Variants in STAP1 observed in about 807,000 individuals in gnomAD.
The protein encoded by STAP1 is signal transducing adaptor family member 1, also known as signal-transducing adaptor protein 1.
A neutral mutation model predicts 37.8 loss-of-function variants in STAP1; 30 were observed. The observed-to-expected ratio is 0.79, with a 90% CI of 0.59 to 1.08. The LOEUF (loss-of-function observed/expected upper bound fraction) is 1.08, where lower values mean the gene tolerates loss of function less well. Among genes scored for constraint, STAP1 ranks in the 50% least tolerant of loss-of-function variants. The pLI, the probability that STAP1 is intolerant of heterozygous loss-of-function variation, is 0.00. For synonymous variants in STAP1, 130 were observed against 116.0 expected, an observed-to-expected ratio of 1.12 and a Z score of -0.78; for missense variants, 357 against 349.4, an observed-to-expected ratio of 1.02 and a Z score of -0.17.
At chr4:67,571,761 G>A (rs1357083109) in intron 2 of STAP1, among the ~76,000 whole-genome samples, 7 of 152,122 alleles carry the variant, frequency 4.6e-5, no homozygotes. Flanking sequence ...AACACTATAA[G>A]AGACTTTATG....
At chr4:67,568,925 G>A (rs1376685380) in intron 1 of STAP1, among the ~76,000 whole-genome samples, 2 of 152,162 alleles carry the variant, frequency 1.3e-5, no homozygotes, top group Admixed American at 6.5e-5. Flanking sequence ...AATCAATGAG[G>A]AAAGTTTTAG....
intron 7 of STAP1, among the ~76,000 whole-genome samples, chr4:67,592,205 G>A (rs1479674298): frequency 1.3e-5 from 2 of 151,834 alleles, no homozygotes; most frequent in African/African-American, 2.4e-5. Flanking sequence ...CAATCATAGT[G>A]CCAGCCTGAA....
At chr4:67,594,146 A>G (rs928190458) in intron 8 of STAP1, among the ~76,000 whole-genome samples, 2 of 152,194 alleles carry the variant, frequency 1.3e-5, no homozygotes, top group African/African-American at 4.8e-5. Context: ...GAGAGAGAAA[A>G]TATCTCCAGC....
In STAP1 at chr4:67,586,364, G is replaced by A. The variant is rs138067646; in HGVS notation, c.659+2662G>A. ...CCCAGCTACTCAGGAGGCTGAGGTA[G>A]GAGAATCGCTTCAACCTGGGAGGCG... On this transcript the variant is annotated intron_variant, in intron 6 of 8. Transcript: ENST00000265404. Among the ~76,000 whole-genome samples the A allele has an allele frequency of 3.0e-3, 454 of 152,284 alleles. 17 individuals are homozygous for A. The East Asian group carries it at 0.079, about 26-fold the overall frequency.
At position 67,574,059 on chromosome 4, in the gene STAP1, C is replaced by A. The variant is rs576318079; in HGVS notation, c.193-1326C>A. 3.1e-4 allele frequency among the ~76,000 whole-genome samples: 47 copies of A among 151,976 alleles called. 1 individual carries two copies. Among genetic ancestry groups the A allele is most frequent in the African/African-American group, 1.1e-3 (45 of 41,456 alleles). ...GATAGGAATTTCTTAATAGGATTGC[C>A]ATAATCAGTGGTGTGCAGTAAATGC... On this transcript the variant is annotated intron_variant, in intron 2 of 8. Transcript: ENST00000265404.
chr4:67,597,484 C>A (rs546391543), intron 8 of STAP1, among the ~76,000 whole-genome samples: 5 of 152,316 alleles, frequency 3.3e-5, no homozygotes, highest in African/African-American at 1.2e-4. Context: ...GAGAAGAGAA[C>A]CACCATCCTC....
chr4:67,598,113 T>C (rs766535892), intron 8 of STAP1, among the ~76,000 whole-genome samples: 9 of 152,088 alleles, frequency 5.9e-5, no homozygotes, highest in Non-Finnish European at 1.3e-4. Context: ...GATTGGATCA[T>C]GGGGGCAGTT....
At chr4:67,562,540 C>A (rs940547330) in intron 1 of STAP1, among the ~76,000 whole-genome samples, 4 of 144,860 alleles carry the variant, frequency 2.8e-5, no homozygotes, top group Admixed American at 1.4e-4. Context: ...CCGAGGCGGG[C>A]GGATCACGAG....
At chr4:67,560,673 T>TGTGTGTGA (rs961122177) in intron 1 of STAP1, among the ~76,000 whole-genome samples, 1 of 151,980 alleles carries the variant, frequency 6.6e-6, no homozygotes, top group Non-Finnish European at 1.5e-5. Context: ...TGTGTGTGTG[T>TGTGTGTGA]GACAGTGTCT....
At chr4:67,604,379 G>C (rs1487612150) in intron 8 of STAP1, among the ~76,000 whole-genome samples, 1 of 152,134 alleles carries the variant, frequency 6.6e-6, no homozygotes, top group Non-Finnish European at 1.5e-5. Flanking sequence ...GTGCTTTCTA[G>C]TGTAGACAGT....
chr4:67,571,134 T>C lies in STAP1; in HGVS notation c.171T>C (p.Tyr57=), dbSNP rs199905817. ...TELRGTTLFF[Y]TDKKSIIYVD... ...TGAGAGGAACTACTCTTTTCTTTTA[T>C]ACCGACAAAAAGAGTATAATAGTAA... is the stretch of plus-strand genomic sequence containing the variant. Residue 57 remains tyrosine, a synonymous_variant, in exon 2 of 9, where the codon TAT becomes TAC. Coordinates refer to ENST00000265404, the MANE Select transcript of STAP1 (RefSeq NM_012108.4). 8 of 1,610,504 alleles carry C rather than the reference T, an allele frequency of 5.0e-6. No homozygotes were observed. The Admixed American group carries it at 6.7e-5, about 13-fold the overall frequency.
At chr4:67,572,053 C>A (rs1190118345) in intron 2 of STAP1, among the ~76,000 whole-genome samples, 4 of 152,172 alleles carry the variant, frequency 2.6e-5, no homozygotes, top group African/African-American at 9.7e-5. Context: ...TCACTTACTA[C>A]ATGGCAAGAG....
At chr4:67,580,965 G>C (rs1727840369) in intron 4 of STAP1, among the ~76,000 whole-genome samples, 1 of 152,140 alleles carries the variant, frequency 6.6e-6, no homozygotes, top group Non-Finnish European at 1.5e-5. Flanking sequence ...AAAATCCCTG[G>C]CATTGATGAA....
Position 67,571,145 on chromosome 4 carries a change from A to G in STAP1, c.182A>G (p.Lys61Arg), listed in dbSNP as rs746140409. 4.7e-5 allele frequency: 75 copies of G among 1,600,840 alleles called. No individual in the cohort carries two copies. Among genetic ancestry groups the G allele is most frequent in the Admixed American group, 1.8e-4 (11 of 59,938 alleles). ...ACTCTTTTCTTTTATACCGACAAAAAGAGTATAATAGTAAGTAAATATGTT... is the reference window on the plus strand; with the variant it reads ...ACTCTTTTCTTTTATACCGACAAAAGGAGTATAATAGTAAGTAAATATGTT... ...GTTLFFYTDK[K>R]SIIYVDKLDI... Residue 61 changes from lysine to arginine, a missense_variant, in exon 2 of 9, where the codon AAG (lysine) becomes AGG (arginine). Lys to Arg is a conservative substitution (Grantham distance 26, BLOSUM62 2). Coordinates refer to ENST00000265404, the MANE Select transcript of STAP1 (RefSeq NM_012108.4).
At chr4:67,593,499 GTCAC>G in intron 8 of STAP1, 143 bp downstream of exon 8, 1 of 625,766 alleles carries the variant, frequency 1.6e-6, no homozygotes, top group Non-Finnish European at 2.8e-6. Context: ...AAATCATTTT[GTCAC>G]TCAGTCTGTG....
intron 2 of STAP1, 32 bp from the exon 3 acceptor site, chr4:67,575,350 AAAT>A: frequency 5.6e-6 from 8 of 1,424,636 alleles, no homozygotes; most frequent in Non-Finnish European, 7.7e-6. Flanking sequence ...ATTACCCATG[AAAT>A]AATGTAATGT....
chr4:67,606,266 T>G (rs1416762352), intron 8 of STAP1, 30 bp from the exon 9 acceptor site: 1 of 1,587,426 alleles, frequency 6.3e-7, no homozygotes, highest in East Asian at 2.3e-5. Context: ...ATTGGTTCGC[T>G]AATTAAGTTT....
rs145467534 is a variant in STAP1 at position 67,589,095 on chromosome 4, C to T, written c.660-1789C>T. On this transcript the variant is annotated intron_variant, in intron 6 of 8. Transcript: ENST00000265404. ...ACCAAGTTTTCTATCAGTCTTCCAA[C>T]GAACAGCAATCCCTTATTTAATAGG... Among the ~76,000 whole-genome samples the T allele has an allele frequency of 9.9e-5, 15 of 152,254 alleles. No individual in the cohort carries two copies. In the East Asian group the frequency reaches 1.2e-3, roughly 12 times the overall value.
intron 1 of STAP1, among the ~76,000 whole-genome samples, chr4:67,562,461 C>G (rs1727370085): frequency 1.3e-5 from 2 of 152,170 alleles, no homozygotes; most frequent in South Asian, 2.1e-4. Flanking sequence ...GAGCACAGAT[C>G]CCTAATATAA....
Sources: gnomAD v4.1 joint callset for allele counts (sites outside exome capture counted in the v4.1 genomes callset) on GRCh38, gnomAD v4.1.1 for gene constraint, MANE v1.5 for transcripts, NCBI Gene and HGNC (gene_info 2026-07-23, HGNC 2026-07-21) for gene names.